The following LARP4 variants were observed in gnomAD, a reference collection of about 807,000 sequenced individuals.
The protein encoded by LARP4 is La ribonucleoprotein 4, also known as la-related protein 4.
A neutral mutation model predicts 92.9 loss-of-function variants in LARP4; 29 were observed. The observed-to-expected ratio is 0.31, with a 90% confidence interval of 0.23 to 0.43. The LOEUF is 0.43. Ranked by LOEUF, LARP4 falls within the 20% of genes least tolerant of loss-of-function variation. LARP4 has a pLI of 1.00. For synonymous variants in LARP4, 279 were observed against 284.1 expected (o/e 0.98, Z 0.18); for missense variants, 732 against 860.0 (o/e 0.85, Z 1.86).
chr12:50,471,425 A>T (rs1418757856), intron 13 of LARP4, among the ~76,000 whole-genome samples: 1 of 152,194 alleles, frequency 6.6e-6, no homozygotes, highest in East Asian at 1.9e-4. Context: ...ATATTTATTC[A>T]TTGTACTGTT....
chr12:50,430,444 C>A, intron 3 of LARP4, 51 bp from the exon 4 acceptor site: 1 of 953,174 alleles, frequency 1.0e-6, no homozygotes, highest in Non-Finnish European at 1.7e-6. Context: ...AGATTTATCA[C>A]CTCTACTAAC....
intron 8 of LARP4, among the ~76,000 whole-genome samples, chr12:50,449,232 A>T (rs943024778): frequency 1.4e-4 from 22 of 152,190 alleles, no homozygotes; most frequent in African/African-American, 5.1e-4. Flanking sequence ...CGGCAGAGCA[A>T]GACTGTGTCC....
intron 1 of LARP4, among the ~76,000 whole-genome samples, chr12:50,407,283 C>T (rs1218076322): frequency 1.3e-5 from 2 of 152,152 alleles, no homozygotes; most frequent in African/African-American, 4.8e-5. Flanking sequence ...CTCGGCCTCC[C>T]AAAGTGCTGG....
intron 15 of LARP4, among the ~76,000 whole-genome samples, chr12:50,474,415 T>C (rs1295276580): frequency 6.6e-6 from 1 of 152,168 alleles, no homozygotes; most frequent in Non-Finnish European, 1.5e-5. Context: ...TGGCACGATC[T>C]CGCGTCACTG....
intron 6 of LARP4, among the ~76,000 whole-genome samples, chr12:50,440,109 A>T (rs1275652483): frequency 2.0e-5 from 3 of 152,228 alleles, no homozygotes; most frequent in Non-Finnish European, 2.9e-5. Flanking sequence ...CGCTTTGCTT[A>T]TTGTAAAATA....
chr12:50,431,576 G>A (rs1949666048), intron 4 of LARP4, among the ~76,000 whole-genome samples: 1 of 152,320 alleles, frequency 6.6e-6, no homozygotes, highest in Non-Finnish European at 1.5e-5. Context: ...GCCAGGCGCA[G>A]TGGCTCATGC....
intron 13 of LARP4, among the ~76,000 whole-genome samples, chr12:50,471,815 G>A (rs981971038): frequency 6.6e-6 from 1 of 152,154 alleles, no homozygotes; most frequent in East Asian, 1.9e-4. Context: ...GAGCCACTGC[G>A]CCTGGTCAGT....
rs12296174 is a variant in LARP4, at chr12:50,418,711, A to T, written c.19-9051A>T. Among the ~76,000 whole-genome samples the T allele has an allele frequency of 2.1e-3, 315 of 152,228 alleles. 1 individual carries two copies. The highest frequency in any genetic ancestry group is 6.6e-3 in the African/African-American group (276 of 41,558). Reference sequence around the variant, plus strand: ...GCTGGGATTAAAGGCATGAGTCACCATGCCTGACCCATTTTGTTTTGTTTT... The same window carrying T: ...GCTGGGATTAAAGGCATGAGTCACCTTGCCTGACCCATTTTGTTTTGTTTT... On this transcript the variant is annotated intron_variant, in intron 1 of 15. Coordinates refer to ENST00000398473, the MANE Select transcript of LARP4 (RefSeq NM_052879.5).
intron 5 of LARP4, among the ~76,000 whole-genome samples, chr12:50,436,262 C>G (rs1270152361): frequency 1.3e-5 from 2 of 150,346 alleles, no homozygotes; most frequent in Non-Finnish European, 3.0e-5. Flanking sequence ...ATATATATAT[C>G]CTGCTCAGCC....
intron 8 of LARP4, among the ~76,000 whole-genome samples, chr12:50,453,231 G>A (rs28472882): frequency 1.1e-4 from 16 of 151,828 alleles, no homozygotes; most frequent in Admixed American, 2.6e-4. Context: ...ACGTGTGTTT[G>A]TGTGTGGCGG....
chr12:50,420,947 C>CTTTTTTTTTTT (rs71083567), intron 1 of LARP4: 7 of 111,434 alleles, frequency 6.3e-5, no homozygotes, highest in South Asian at 3.0e-4. Flanking sequence ...ATAACCTTTG[C>CTTTTTTTTTTT]TTTTTTTTTT....
intron 12 of LARP4, 70 bp downstream of exon 12, chr12:50,462,700 C>A: frequency 3.9e-6 from 4 of 1,037,244 alleles, no homozygotes; most frequent in Admixed American, 2.1e-5. Flanking sequence ...GACTTTCGGT[C>A]TTTCCTTTCT....
At chr12:50,447,948 A>G (rs988065034) in intron 8 of LARP4, among the ~76,000 whole-genome samples, 32 of 151,454 alleles carry the variant, frequency 2.1e-4, no homozygotes, top group Non-Finnish European at 4.6e-4. Context: ...GCACATGGCA[A>G]CCTCTGCCTC....
chr12:50,404,783 G>A (rs1944496670), intron 1 of LARP4, among the ~76,000 whole-genome samples: 1 of 150,424 alleles, frequency 6.6e-6, no homozygotes, highest in Non-Finnish European at 1.5e-5. Context: ...TCCACCTCCT[G>A]GGTTCAAGTG....
chr12:50,429,019 G>A lies in LARP4; in HGVS notation c.251G>A (p.Gly84Asp). Residue 84 changes from glycine to aspartate, a missense_variant, in exon 3 of 16, where the codon GGC becomes GAC. This residue lies in a region of LARP4 where 236 missense variants were observed against 307.6 expected (regional missense o/e 0.77). Transcript: ENST00000398473. ...SSCETTRNTT[G>D]IEESTDGMIL... ...TGTGAAACCACAAGAAATACTACAGGCATTGAAGAATCAACTGATGGGATG... is the reference window on the plus strand; with the variant it reads ...TGTGAAACCACAAGAAATACTACAGACATTGAAGAATCAACTGATGGGATG... The A allele has an allele frequency of 1.9e-6, 3 of 1,610,190 alleles. No homozygotes were observed. Among genetic ancestry groups the A allele is most frequent in the Non-Finnish European group, 2.5e-6 (3 of 1,177,222 alleles).
At chr12:50,463,423 A>C (rs1320305731) in intron 12 of LARP4, among the ~76,000 whole-genome samples, 8 of 142,240 alleles carry the variant, frequency 5.6e-5, no homozygotes, top group Admixed American at 7.0e-5. Flanking sequence ...ATCTCTCCAA[A>C]AAAAAAAAAA....
chr12:50,446,676 C>T (rs1005720025), intron 8 of LARP4, among the ~76,000 whole-genome samples: 1 of 151,022 alleles, frequency 6.6e-6, no homozygotes, highest in Non-Finnish European at 1.5e-5. Context: ...ATCCGCCCGC[C>T]TCAGCCCCCC....
intron 1 of LARP4, among the ~76,000 whole-genome samples, chr12:50,425,494 A>G (rs1948572249): frequency 6.6e-6 from 1 of 152,194 alleles, no homozygotes; most frequent in Non-Finnish European, 1.5e-5. Flanking sequence ...AATGTCAAAT[A>G]CTGTTGACAT....
chr12:50,456,341 A>G (rs904515937), intron 10 of LARP4, among the ~76,000 whole-genome samples: 1 of 152,072 alleles, frequency 6.6e-6, no homozygotes, highest in Non-Finnish European at 1.5e-5. Context: ...TTTGACCAAT[A>G]CAGGTTGGTA....
Sources: allele counts gnomAD v4.1 joint callset (sites outside exome capture counted in the v4.1 genomes callset), GRCh38; gene constraint gnomAD v4.1.1; regional missense constraint gnomAD v4.1.1; transcripts MANE v1.5; gene names NCBI Gene and HGNC (gene_info 2026-07-23, HGNC 2026-07-21).